Variants in SIRT3 observed in about 807,000 individuals in gnomAD.
The protein encoded by SIRT3 is NAD-dependent protein deacetylase sirtuin-3, mitochondrial.
A neutral mutation model predicts 33.5 loss-of-function variants in SIRT3; 26 were observed. The observed-to-expected ratio is 0.78, with a 90% CI of 0.57 to 1.08. SIRT3 has a LOEUF of 1.08. SIRT3 is among the 50% of genes least tolerant of loss of function. The probability of loss-of-function intolerance (pLI) is 0.00; values close to 1 mark genes in which losing one functional copy is unlikely to be tolerated. For synonymous variants in SIRT3, 237 were observed against 222.1 expected (o/e 1.07, Z -0.60); for missense variants, 585 against 530.1 (o/e 1.10, Z -1.02).
chr11:219,915 C>T (rs1856193888), intron 5 of SIRT3, among the ~76,000 whole-genome samples: 1 of 152,052 alleles, frequency 6.6e-6, no homozygotes, highest in Admixed American at 6.6e-5. Context: ...TTAAAAACCT[C>T]TCATCATCAT....
At chr11:224,427 A>C (rs1014635965) in intron 4 of SIRT3, among the ~76,000 whole-genome samples, 188 bp from the exon 5 acceptor site, 9 of 152,224 alleles carry the variant, frequency 5.9e-5, no homozygotes, top group Non-Finnish European at 1.3e-4. Context: ...AGCCCTCCGG[A>C]ATCTGGGAGG....
Position 233,013 on chromosome 11 carries a change from A to G in SIRT3, c.676T>C (p.Tyr226His), listed in dbSNP as rs546753768. 7 of 1,614,152 alleles carry G rather than the reference A, an allele frequency of 4.3e-6. No individual in the cohort carries two copies. The South Asian group carries it at 4.4e-5, about 10-fold the overall frequency. Reference sequence around the variant, plus strand: ...TCAAGCCCATCGATGTTCTGCGTGTAGAGCCGCAGAAGCAGCCCCTTGTCA... The same window carrying G: ...TCAAGCCCATCGATGTTCTGCGTGTGGAGCCGCAGAAGCAGCCCCTTGTCA... ...LHDKGLLLRL[Y>H]TQNIDGLERV... The change falls in exon 3 of 7, where the codon TAC (tyrosine) becomes CAC (histidine). Residue 226 changes from tyrosine (Y) to histidine (H), a missense_variant. By Grantham distance (83) the Tyr-to-His change is moderately conservative. Coordinates refer to ENST00000382743, the MANE Select transcript of SIRT3 (RefSeq NM_012239.6).
At chr11:218,769 G>A (rs1389930590) in intron 6 of SIRT3, 63 bp downstream of exon 6, 3 of 1,610,770 alleles carry the variant, frequency 1.9e-6, no homozygotes, top group Non-Finnish European at 1.7e-6. Flanking sequence ...CATATCAGGT[G>A]GACCATACCC....
rs1855588506 is a variant in SIRT3 at position 215,835 on chromosome 11, T to C, written c.*863A>G. Reference sequence around the variant, plus strand: ...CTCAGCCTGGGTTTTAAGTGAGTAATGCCTTCCCTGTCTCAGAGATTAGCT... The same window carrying C: ...CTCAGCCTGGGTTTTAAGTGAGTAACGCCTTCCCTGTCTCAGAGATTAGCT... On this transcript the variant is annotated 3_prime_UTR_variant, in exon 7 of 7. Transcript: ENST00000382743. 6.6e-6 allele frequency: 1 copy of C among 152,066 alleles called. No individual in the cohort carries two copies. Among genetic ancestry groups the C allele is most frequent in the South Asian group, 2.1e-4 (1 of 4,826 alleles). 9.4% of individuals were successfully genotyped at this position (152,066 alleles called of 1,614,324 possible).
intron 4 of SIRT3, chr11:225,612 G>A (rs1219498795): frequency 7.7e-6 from 1 of 130,592 alleles, no homozygotes; most frequent in African/African-American, 2.9e-5. Context: ...AACACTCAAT[G>A]GAAGGACCTT....
Position 223,879 on chromosome 11 carries a change from ACC to A in SIRT3, c.969+197_969+198del. Reference sequence around the variant, plus strand: ...CGACAGCCCATGAGATGACTCCTGTACCCCTCCCTTCCCCTGCCCTCCAGCCT... The same window carrying A: ...CGACAGCCCATGAGATGACTCCTGTACCTCCCTTCCCCTGCCCTCCAGCCT... On this transcript the variant is annotated intron_variant, in intron 5 of 6. Transcript: ENST00000382743. This position sits in a 1 kb window ranked among gnomAD's most constrained non-coding sequence, Gnocchi z 4.8. The A allele has an allele frequency of 3.0e-6, 1 of 328,292 alleles. No homozygotes were observed. Among genetic ancestry groups the A allele is most frequent in the South Asian group, 2.2e-5 (1 of 45,760 alleles). 20.3% of individuals were successfully genotyped at this position (328,292 alleles called of 1,614,324 possible). A position where few individuals can be genotyped will look rare whatever the true frequency, so the allele number is the denominator to read the frequency against.
chr11:229,014 G>C (rs752964753), intron 4 of SIRT3, among the ~76,000 whole-genome samples: 9 of 152,220 alleles, frequency 5.9e-5, no homozygotes, highest in Non-Finnish European at 1.0e-4. Flanking sequence ...TGCTACAGTG[G>C]GTTACCACCT....
chr11:216,747 C>T, intron 6 of SIRT3, 29 bp from the exon 7 acceptor site: 1 of 1,613,936 alleles, frequency 6.2e-7, no homozygotes, highest in Middle Eastern at 1.7e-4. Flanking sequence ...AGGGTATCAG[C>T]TATCTGTTTA....
chr11:233,320 G>A (rs1268891265), intron 2 of SIRT3, 23 bp downstream of exon 2: 4 of 1,608,616 alleles, frequency 2.5e-6, no homozygotes, highest in Non-Finnish European at 3.4e-6. Context: ...AGCGCAGAAG[G>A]CAGGTGGGAC....
chr11:223,404 C>T lies in SIRT3; in HGVS notation c.969+674G>A. 4.2e-6 allele frequency: 1 copy of T among 240,842 alleles called. No homozygotes were observed. Among genetic ancestry groups the T allele is most frequent in the Non-Finnish European group, 8.4e-6 (1 of 119,124 alleles). 14.9% of individuals were successfully genotyped at this position (240,842 alleles called of 1,614,324 possible). A position where few individuals can be genotyped will look rare whatever the true frequency, so the allele number is the denominator to read the frequency against. On this transcript the variant is annotated intron_variant, in intron 5 of 6. Coordinates refer to ENST00000382743, the MANE Select transcript of SIRT3 (RefSeq NM_012239.6). This position sits in a 1 kb window ranked among gnomAD's most constrained non-coding sequence, Gnocchi z 4.8. Reference sequence around the variant, plus strand: ...ACAGACTGCGAGTCCAGTCCCCCTCCTCGCCATCCCTCAGGCGACCACAGC... The same window carrying T: ...ACAGACTGCGAGTCCAGTCCCCCTCTTCGCCATCCCTCAGGCGACCACAGC...
chr11:236,012 G>C (rs186136966), intron 1 of SIRT3, 36 bp downstream of exon 1: 15 of 1,431,966 alleles, frequency 1.0e-5, no homozygotes, highest in African/African-American at 1.5e-5. Context: ...TGTCGACAAC[G>C]AACACGCAAG....
intron 5 of SIRT3, among the ~76,000 whole-genome samples, chr11:221,811 G>A (rs573577284): frequency 4.6e-5 from 7 of 151,398 alleles, no homozygotes; most frequent in African/African-American, 7.3e-5. Flanking sequence ...ACATTGTTAC[G>A]TGAAAACAGC....
Position 232,883 on chromosome 11 carries a change from C to T in SIRT3, c.706+100G>A, listed in dbSNP as rs970550708. Reference sequence around the variant, plus strand: ...CCGTCCCCAGAAACAGGCACCCGAGCATCCCCTGTGAGAAACAGGCACCCG... The same window carrying T: ...CCGTCCCCAGAAACAGGCACCCGAGTATCCCCTGTGAGAAACAGGCACCCG... On this transcript the variant is annotated intron_variant, in intron 3 of 6. Transcript: ENST00000382743. The T allele has an allele frequency of 1.8e-5, 20 of 1,133,154 alleles. No homozygotes were observed. The African/African-American group carries it at 2.8e-4, about 16-fold the overall frequency. The allele number at this position is 1,133,154 out of a possible 1,614,324, so 70.2% of individuals were successfully genotyped here.
At chr11:230,371 G>C (rs955867671) in intron 4 of SIRT3, 81 bp downstream of exon 4, 4 of 749,996 alleles carry the variant, frequency 5.3e-6, no homozygotes, top group Non-Finnish European at 8.0e-6. Context: ...GTCCTTTCGA[G>C]ACAATGCTTA....
At chr11:229,315 T>C (rs1857586015) in intron 4 of SIRT3, among the ~76,000 whole-genome samples, 1 of 151,064 alleles carries the variant, frequency 6.6e-6, no homozygotes, top group African/African-American at 2.4e-5. Context: ...CGTGGTGGTG[T>C]GTGCCTGTAG....
rs1220664236 is a variant in SIRT3, at chr11:223,009, A to C, written c.969+1069T>G. On this transcript the variant is annotated intron_variant, in intron 5 of 6. Transcript: ENST00000382743. The surrounding 1 kb of genome is among the most constrained non-coding windows in gnomAD (Gnocchi z 4.8). ...CACTGACATCTGACCGTGTATGTCC[A>C]AAGCACTGGAGCAGGGCCCAGCACA... The C allele has an allele frequency of 1.3e-5, 2 of 152,390 alleles. No individual in the cohort carries two copies. Among genetic ancestry groups the C allele is most frequent in the Admixed American group, 1.3e-4 (2 of 15,282 alleles). 9.4% of individuals were successfully genotyped at this position (152,390 alleles called of 1,614,324 possible). A position where few individuals can be genotyped will look rare whatever the true frequency, so the allele number is the denominator to read the frequency against.
At chr11:225,027 T>A (rs1856969465) in intron 4 of SIRT3, among the ~76,000 whole-genome samples, 1 of 151,544 alleles carries the variant, frequency 6.6e-6, no homozygotes, top group South Asian at 2.1e-4. Flanking sequence ...AACTGTATTA[T>A]ATTTAAATTA....
At position 219,013 on chromosome 11, in the gene SIRT3, GC is replaced by G; in HGVS notation, c.997del (p.Ala333ProfsTer41). Reference sequence around the variant, plus strand: ...CAGTCGGGGAACTGAGCTCCGCACGGCCTCGGTCAAGCTGGCAAAAGGCTCC... The same window carrying G: ...CAGTCGGGGAACTGAGCTCCGCACGGCTCGGTCAAGCTGGCAAAAGGCTCC... ...EVEPFASLTE[A>X]VRSSVPRLLI... On this transcript the variant is annotated frameshift_variant, in exon 6 of 7. Transcript: ENST00000382743. LOFTEE classifies it high-confidence loss of function. The G allele has an allele frequency of 6.2e-7, 1 of 1,613,840 alleles. No individual in the cohort carries two copies. The highest frequency in any genetic ancestry group is 8.5e-7 in the Non-Finnish European group (1 of 1,179,960).
At position 224,171 on chromosome 11, in the gene SIRT3, C is replaced by A. The variant is rs868118182; in HGVS notation, c.876G>T (p.Val292=). 1.2e-6 allele frequency: 2 copies of A among 1,614,204 alleles called. No homozygotes were observed. Among genetic ancestry groups the A allele is most frequent in the Middle Eastern group, 1.6e-4 (1 of 6,062 alleles). Residue 292 remains valine, a synonymous_variant, in exon 5 of 7, where the codon GTG becomes GTT. Coordinates refer to ENST00000382743, the MANE Select transcript of SIRT3 (RefSeq NM_012239.6). ...TCTGGGGCAGCGGCTCCCCAAAGAA[C>A]ACAATGTCGGGCTTCACAACGCCGG... The part of the protein sequence containing the change: ...VCTGVVKPDI[V]FFGEPLPQRF...
Sources: allele counts gnomAD v4.1 joint callset (sites outside exome capture counted in the v4.1 genomes callset), GRCh38; gene constraint gnomAD v4.1.1; non-coding constraint Gnocchi (gnomAD v3.1); transcripts MANE v1.5; gene names NCBI Gene and HGNC (gene_info 2026-07-23, HGNC 2026-07-21).